The following FAM114A2 variants were observed in gnomAD, a reference collection of about 807,000 sequenced individuals.
The protein encoded by FAM114A2 is protein FAM114A2.
Under a neutral mutation model 58.4 loss-of-function variants are expected in FAM114A2, and 53 were observed. The observed-to-expected ratio is 0.91, with a 90% CI of 0.73 to 1.14. The LOEUF (loss-of-function observed/expected upper bound fraction) is 1.14. Ranked by LOEUF, FAM114A2 falls within the 50% of genes most tolerant of loss-of-function variation. The probability of loss-of-function intolerance (pLI) is 0.00; values close to 1 mark genes in which losing one functional copy is unlikely to be tolerated. For synonymous variants in FAM114A2, 228 were observed against 211.4 expected (o/e 1.08, Z -0.68); for missense variants, 601 against 581.1 (o/e 1.03, Z -0.35).
chr5:154,027,223 A>G lies in FAM114A2; in HGVS notation c.742T>C (p.Ser248Pro). The change falls in exon 7 of 14, where the codon TCA (serine) becomes CCA (proline). Residue 248 changes from serine (S) to proline (P), a missense_variant. Physicochemically the swap from Ser to Pro is moderately conservative, Grantham distance 74 (BLOSUM62 -1). Transcript: ENST00000351797. ...AGCATCTCCAGAGCTTCTAGATGTGAAAGGCCTTGAAATTCATCAAAGAGT... is the reference window on the plus strand; with the variant it reads ...AGCATCTCCAGAGCTTCTAGATGTGGAAGGCCTTGAAATTCATCAAAGAGT... ...GLLFDEFQGL[S>P]HLEALEMLSQ... is the part of the protein sequence containing the mutation. The G allele has an allele frequency of 6.2e-7, 1 of 1,613,554 alleles. No individual in the cohort carries two copies. The highest frequency in any genetic ancestry group is 8.5e-7 in the Non-Finnish European group (1 of 1,179,656).
intron 4 of FAM114A2, among the ~76,000 whole-genome samples, chr5:154,031,809 C>T (rs1286562259): frequency 6.6e-6 from 1 of 152,196 alleles, no homozygotes; most frequent in Non-Finnish European, 1.5e-5. Flanking sequence ...TCTTGTAAGA[C>T]TTTAATTCTA....
chr5:153,997,917 T>TA, intron 11 of FAM114A2, 42 bp from the exon 12 acceptor site: 2 of 1,196,064 alleles, frequency 1.7e-6, no homozygotes, highest in Non-Finnish European at 1.2e-6. Flanking sequence ...TTTCTTTTTT[T>TA]AAAAAAATAA....
At chr5:154,033,271 T>A (rs1426193858) in intron 4 of FAM114A2, among the ~76,000 whole-genome samples, 2 of 152,200 alleles carry the variant, frequency 1.3e-5, no homozygotes, top group African/African-American at 4.8e-5. Context: ...TATTTTCTGG[T>A]CCCAGGCCCT....
intron 8 of FAM114A2, among the ~76,000 whole-genome samples, chr5:154,020,232 A>G (rs974881784): frequency 2.0e-5 from 3 of 152,214 alleles, no homozygotes; most frequent in Non-Finnish European, 2.9e-5. Context: ...CATCACAATT[A>G]AAAGAACTAG....
intron 1 of FAM114A2, among the ~76,000 whole-genome samples, chr5:154,035,899 T>C (rs1772527295): frequency 1.3e-5 from 2 of 152,226 alleles, no homozygotes; most frequent in African/African-American, 4.8e-5. Flanking sequence ...TGTGTGGTGA[T>C]ATCTCATTGT....
At chr5:154,033,910 T>G (rs756208095) in intron 3 of FAM114A2, 27 bp from the exon 4 acceptor site, 1 of 1,457,562 alleles carries the variant, frequency 6.9e-7, no homozygotes, top group South Asian at 1.2e-5. Flanking sequence ...CTTTTTTTTT[T>G]GCTATTTGTC....
At chr5:154,011,007 G>C (rs989462331) in intron 9 of FAM114A2, among the ~76,000 whole-genome samples, 3 of 152,158 alleles carry the variant, frequency 2.0e-5, no homozygotes, top group Admixed American at 6.6e-5. Flanking sequence ...GATAAGCAAA[G>C]CATCCCAAAT....
Position 154,023,638 on chromosome 5 carries a change from G to C in FAM114A2, c.913+2761C>G, listed in dbSNP as rs575688732. 5.3e-5 allele frequency among the ~76,000 whole-genome samples: 8 copies of C among 152,188 alleles called. No homozygotes were observed. The South Asian group carries it at 1.7e-3, about 32-fold the overall frequency. ...GGACTCAGGGGGAAAGGATGGGAAG[G>C]GAGTGTGGTGTATACTGCTCAGGTG... On this transcript the variant is annotated intron_variant, in intron 8 of 13. Transcript: ENST00000351797.
At chr5:154,034,233 A>G in intron 3 of FAM114A2, 45 bp downstream of exon 3, 1 of 1,196,490 alleles carries the variant, frequency 8.4e-7, no homozygotes, top group South Asian at 1.4e-5. Context: ...GATCTGTATA[A>G]AATAAATACA....
At chr5:154,002,106 A>C in intron 11 of FAM114A2, 145 bp downstream of exon 11, 1 of 673,174 alleles carries the variant, frequency 1.5e-6, no homozygotes, top group Non-Finnish European at 2.5e-6. Flanking sequence ...GAAAAGAAAA[A>C]AACAACCAAA....
intron 4 of FAM114A2, 120 bp from the exon 5 acceptor site, chr5:154,029,700 C>T: frequency 1.9e-6 from 1 of 521,496 alleles, no homozygotes; most frequent in South Asian, 2.7e-5. Context: ...GGCCTTAGCC[C>T]TTTTTATCAT....
chr5:153,995,099 A>G (rs1303340225), intron 12 of FAM114A2, 127 bp from the exon 13 acceptor site: 4 of 630,664 alleles, frequency 6.3e-6, no homozygotes, highest in Admixed American at 5.3e-5. Context: ...AGAAGTCTGG[A>G]CTGAGAGCAA....
chr5:154,021,653 C>G (rs1017503757), intron 8 of FAM114A2, among the ~76,000 whole-genome samples: 6 of 152,146 alleles, frequency 3.9e-5, no homozygotes, highest in African/African-American at 1.4e-4. Flanking sequence ...AAAGAGGACA[C>G]AAACAAATGG....
At chr5:154,005,574 G>A (rs1042341316) in intron 9 of FAM114A2, among the ~76,000 whole-genome samples, 5 of 152,172 alleles carry the variant, frequency 3.3e-5, no homozygotes, top group African/African-American at 9.6e-5. Flanking sequence ...GAAGCAAGCC[G>A]AAAGACACAG....
intron 1 of FAM114A2, chr5:154,038,511 T>C (rs1016632700): frequency 6.6e-6 from 1 of 152,372 alleles, no homozygotes; most frequent in Admixed American, 6.5e-5. Flanking sequence ...GGTTAACAGC[T>C]GCTATCACTT....
At chr5:154,016,583 C>T (rs1771053206) in intron 8 of FAM114A2, among the ~76,000 whole-genome samples, 1 of 152,120 alleles carries the variant, frequency 6.6e-6, no homozygotes, top group Non-Finnish European at 1.5e-5. Context: ...TTTGCCACTA[C>T]CAAGCCAGCA....
At chr5:154,009,789 C>T (rs546584346) in intron 9 of FAM114A2, among the ~76,000 whole-genome samples, 2 of 152,050 alleles carry the variant, frequency 1.3e-5, no homozygotes, top group East Asian at 3.9e-4. Flanking sequence ...TTCAAAAACA[C>T]CAACGTCATA....
At chr5:154,028,440 G>A (rs567348638) in intron 5 of FAM114A2, among the ~76,000 whole-genome samples, 157 bp from the exon 6 acceptor site, 4 of 152,298 alleles carry the variant, frequency 2.6e-5, no homozygotes, top group African/African-American at 4.8e-5. Flanking sequence ...TTGTGGGAAC[G>A]TAAATAGGTA....
intron 9 of FAM114A2, among the ~76,000 whole-genome samples, chr5:154,008,376 A>T (rs1770480242): frequency 1.3e-5 from 2 of 152,116 alleles, no homozygotes; most frequent in South Asian, 4.1e-4. Context: ...CAAATAAAAC[A>T]ATTTTTTGTA....
Sources: allele counts gnomAD v4.1 joint callset (sites outside exome capture counted in the v4.1 genomes callset), GRCh38; gene constraint gnomAD v4.1.1; transcripts MANE v1.5; gene names NCBI Gene and HGNC (gene_info 2026-07-23, HGNC 2026-07-21).